SNTG1: variants seen among roughly 807,000 people sequenced by gnomAD.
SNTG1 encodes gamma-1-syntrophin.
A neutral mutation model predicts 74.7 loss-of-function variants in SNTG1; 39 were observed. That is an observed-to-expected ratio of 0.52 (90% CI 0.40 to 0.68). SNTG1 has a LOEUF of 0.68. Ranked by LOEUF, SNTG1 falls within the 30% of genes least tolerant of loss-of-function variation. The pLI is 0.00. For synonymous variants in SNTG1, 254 were observed against 217.1 expected (o/e 1.17, Z -1.49); for missense variants, 685 against 609.5 (o/e 1.12, Z -1.30).
intron 9 of SNTG1, among the ~76,000 whole-genome samples, chr8:50,515,526 G>A (rs145698953): frequency 1.6e-3 from 235 of 150,460 alleles, no homozygotes; most frequent in African/African-American, 5.5e-3. Flanking sequence ...CCACCCCCAC[G>A]GACCCTAGCA....
intron 15 of SNTG1, among the ~76,000 whole-genome samples, chr8:50,686,862 G>A (rs547924375): frequency 7.7e-4 from 117 of 152,180 alleles, no homozygotes; most frequent in African/African-American, 2.6e-3. Context: ...AGGGCCGGGC[G>A]CGGTGGCTCA....
intron 13 of SNTG1, among the ~76,000 whole-genome samples, chr8:50,636,263 C>A (rs1191429657): frequency 6.6e-6 from 1 of 151,602 alleles, no homozygotes; most frequent in African/African-American, 2.4e-5. Context: ...ACAGATGGTG[C>A]AGGCACTTCC....
At chr8:49,919,593 G>A (rs1296235750) in intron 1 of SNTG1, among the ~76,000 whole-genome samples, 1 of 151,942 alleles carries the variant, frequency 6.6e-6, no homozygotes, top group East Asian at 1.9e-4. Flanking sequence ...TGAAATGTTT[G>A]ACTTTAAATG....
At chr8:50,147,994 G>T (rs1273113949) in intron 1 of SNTG1, among the ~76,000 whole-genome samples, 2 of 152,114 alleles carry the variant, frequency 1.3e-5, no homozygotes, top group Admixed American at 6.5e-5. Context: ...GGCAAAAATA[G>T]AAGTTAAATA....
intron 13 of SNTG1, among the ~76,000 whole-genome samples, chr8:50,647,615 AAAG>A (rs1206638082): frequency 6.6e-6 from 1 of 152,174 alleles, no homozygotes; most frequent in African/African-American, 2.4e-5. Context: ...CCACTTTAAA[AAAG>A]AAATTCTATT....
intron 9 of SNTG1, 56 bp downstream of exon 9, chr8:50,502,936 A>C (rs1304250775): frequency 7.3e-7 from 1 of 1,375,272 alleles, no homozygotes; most frequent in East Asian, 2.3e-5. Flanking sequence ...TTACATAATT[A>C]TTATTTTGAC....
intron 2 of SNTG1, among the ~76,000 whole-genome samples, chr8:50,370,112 T>A (rs1198411033): frequency 1.3e-5 from 2 of 152,174 alleles, no homozygotes; most frequent in South Asian, 4.1e-4. Flanking sequence ...TATAATGAGA[T>A]TGGCTGGCAG....
At chr8:49,939,507 A>C (rs12680138) in intron 1 of SNTG1, among the ~76,000 whole-genome samples, 1 of 152,098 alleles carries the variant, frequency 6.6e-6, no homozygotes, top group Non-Finnish European at 1.5e-5. Context: ...CACTATGTAA[A>C]CCATGCTGGT....
chr8:50,741,552 A>G (rs1020145844), intron 17 of SNTG1, among the ~76,000 whole-genome samples: 9 of 152,098 alleles, frequency 5.9e-5, no homozygotes, highest in Non-Finnish European at 1.2e-4. Flanking sequence ...CTAAAAAGCT[A>G]TGTCCTCACA....
chr8:50,164,754 A>T (rs2082553920), intron 1 of SNTG1, among the ~76,000 whole-genome samples: 1 of 152,234 alleles, frequency 6.6e-6, no homozygotes, highest in African/African-American at 2.4e-5. Flanking sequence ...CTCTTATGTT[A>T]ACAGTTGGGA....
intron 15 of SNTG1, among the ~76,000 whole-genome samples, chr8:50,687,771 T>C (rs1435938653): frequency 6.6e-6 from 1 of 152,176 alleles, no homozygotes; most frequent in African/African-American, 2.4e-5. Flanking sequence ...TCTTCCTGTG[T>C]CCATGTGTTC....
rs544227307 is a variant in SNTG1 at position 50,574,798 on chromosome 8, G to T, written c.811-16081G>T. Among the ~76,000 whole-genome samples, 12 of 151,984 alleles carry T rather than the reference G, an allele frequency of 7.9e-5. 1 individual carries two copies. The South Asian group carries it at 2.5e-3, about 32-fold the overall frequency. ...CAATGAAAGCCTATGGATTTTTTTG[G>T]TGTACCAGTCAATGAAAACATTGCT... is the stretch of plus-strand genomic sequence containing the variant. On this transcript the variant is annotated intron_variant, in intron 12 of 18. Transcript: ENST00000642720.
At chr8:50,280,384 C>A (rs2088372818) in intron 2 of SNTG1, among the ~76,000 whole-genome samples, 1 of 152,198 alleles carries the variant, frequency 6.6e-6, no homozygotes, top group Non-Finnish European at 1.5e-5. Flanking sequence ...TTAAATGTCT[C>A]AATGTTCCAG....
At chr8:49,946,558 T>C (rs1009067073) in intron 1 of SNTG1, among the ~76,000 whole-genome samples, 2 of 152,184 alleles carry the variant, frequency 1.3e-5, no homozygotes, top group Admixed American at 6.5e-5. Context: ...AAAAAGGAAG[T>C]GATTTCAGAA....
At chr8:50,399,836 A>G (rs755117382) in intron 3 of SNTG1, among the ~76,000 whole-genome samples, 1 of 152,192 alleles carries the variant, frequency 6.6e-6, no homozygotes, top group Non-Finnish European at 1.5e-5. Context: ...TTTGTCCTCT[A>G]GATATATTCA....
intron 8 of SNTG1, among the ~76,000 whole-genome samples, chr8:50,459,700 T>C (rs1003399791): frequency 6.6e-6 from 1 of 152,148 alleles, no homozygotes; most frequent in African/African-American, 2.4e-5. Flanking sequence ...TCAGTGTCTA[T>C]TGCTGCCATC....
At chr8:50,402,859 C>T (rs1362259740) in intron 4 of SNTG1, among the ~76,000 whole-genome samples, 3 of 152,102 alleles carry the variant, frequency 2.0e-5, no homozygotes, top group African/African-American at 7.2e-5. Flanking sequence ...AGTGCTGTAG[C>T]AAATTCTTTT....
At chr8:49,933,002 G>A (rs318875) in intron 1 of SNTG1, among the ~76,000 whole-genome samples, 125,216 of 152,116 alleles carry the variant, frequency 0.82, 51,871 homozygotes, top group East Asian at 0.99. Context: ...TTTTTACCAC[G>A]TTGTATTTAT....
At chr8:50,678,788 T>C (rs2095319659) in intron 15 of SNTG1, among the ~76,000 whole-genome samples, 1 of 152,174 alleles carries the variant, frequency 6.6e-6, no homozygotes, top group Admixed American at 6.6e-5. Flanking sequence ...ACGTTGTTCA[T>C]AATTTTTTGT....
Sources: allele counts gnomAD v4.1 joint callset (sites outside exome capture counted in the v4.1 genomes callset), GRCh38; gene constraint gnomAD v4.1.1; transcripts MANE v1.5; gene names NCBI Gene and HGNC (gene_info 2026-07-23, HGNC 2026-07-21).